The following MAPKAP1 variants were observed in gnomAD, a reference collection of about 807,000 sequenced individuals.
MAPKAP1 encodes MAPK associated protein 1, also known as target of rapamycin complex 2 subunit MAPKAP1.
MAPKAP1 carries 20 observed loss-of-function variants against 65.7 expected under a neutral mutation model. The ratio of observed to expected loss-of-function variants is 0.30; its 90% confidence interval spans 0.21 to 0.44. The LOEUF (loss-of-function observed/expected upper bound fraction) is 0.44. Ranked by LOEUF, MAPKAP1 falls within the 20% of genes least tolerant of loss-of-function variation. MAPKAP1 has a pLI of 1.00. For missense variants in MAPKAP1, 423 were observed against 648.0 expected (o/e 0.65, Z 3.77); for synonymous variants, 222 against 244.3 (o/e 0.91, Z 0.85).
At chr9:125,625,815 T>C (rs962235895) in intron 4 of MAPKAP1, among the ~76,000 whole-genome samples, 5 of 151,542 alleles carry the variant, frequency 3.3e-5, no homozygotes, top group Non-Finnish European at 5.9e-5. Flanking sequence ...AAACAAACAA[T>C]AAAAAAACAA....
intron 4 of MAPKAP1, chr9:125,596,302 A>G (rs1832123766): frequency 1.3e-6 from 1 of 760,632 alleles, no homozygotes; most frequent in Non-Finnish European, 2.4e-6. Context: ...TTCGGTAGGA[A>G]TGACAACTTT....
chr9:125,686,621 G>A (rs888356498), intron 1 of MAPKAP1, among the ~76,000 whole-genome samples: 4 of 152,114 alleles, frequency 2.6e-5, no homozygotes, highest in African/African-American at 7.2e-5. Flanking sequence ...GGGTGTTTTC[G>A]CTTCACATTG....
chr9:125,584,798 A>G (rs1047171861), intron 5 of MAPKAP1, among the ~76,000 whole-genome samples: 4 of 152,190 alleles, frequency 2.6e-5, no homozygotes, highest in African/African-American at 9.7e-5. Flanking sequence ...TGGAAAGAAC[A>G]TGTAAAACTA....
chr9:125,555,574 G>T (rs753163094), intron 6 of MAPKAP1, among the ~76,000 whole-genome samples: 2 of 152,232 alleles, frequency 1.3e-5, no homozygotes, highest in Non-Finnish European at 2.9e-5. Context: ...AAAAGGGGAA[G>T]AGGTCTTAGA....
At chr9:125,629,862 A>G (rs573359879) in intron 4 of MAPKAP1, among the ~76,000 whole-genome samples, 53 of 152,358 alleles carry the variant, frequency 3.5e-4, no homozygotes, top group Non-Finnish European at 6.6e-4. Flanking sequence ...AAGGCCATGT[A>G]TAACACAAAA....
intron 9 of MAPKAP1, among the ~76,000 whole-genome samples, chr9:125,480,743 C>T (rs1474938063): frequency 1.3e-5 from 2 of 151,646 alleles, no homozygotes; most frequent in African/African-American, 2.4e-5. Context: ...GAGGCCAAGG[C>T]GGGTGGATCA....
At chr9:125,619,762 A>C (rs1171305158) in intron 4 of MAPKAP1, among the ~76,000 whole-genome samples, 2 of 152,130 alleles carry the variant, frequency 1.3e-5, no homozygotes, top group African/African-American at 4.8e-5. Context: ...AAAATCCAGA[A>C]GCTATAGAGG....
intron 7 of MAPKAP1, among the ~76,000 whole-genome samples, chr9:125,516,480 C>G (rs1829465046): frequency 1.3e-5 from 2 of 152,182 alleles, no homozygotes; most frequent in South Asian, 4.1e-4. Flanking sequence ...AAGGGCTACT[C>G]TACTTATGAT....
At chr9:125,676,621 A>C (rs1404957842) in intron 1 of MAPKAP1, among the ~76,000 whole-genome samples, 1 of 152,234 alleles carries the variant, frequency 6.6e-6, no homozygotes, top group Non-Finnish European at 1.5e-5. Flanking sequence ...GGAAGGTAGT[A>C]ATGGGGAAAA....
At chr9:125,582,605 CCA>C (rs893409751) in intron 5 of MAPKAP1, among the ~76,000 whole-genome samples, 10 of 152,268 alleles carry the variant, frequency 6.6e-5, no homozygotes, top group African/African-American at 2.4e-4. Context: ...CCCAGCCATG[CCA>C]CAGTCAGGTC....
intron 5 of MAPKAP1, among the ~76,000 whole-genome samples, chr9:125,577,470 G>C (rs866395313): frequency 7.1e-6 from 1 of 141,550 alleles, no homozygotes; most frequent in Non-Finnish European, 1.5e-5. Flanking sequence ...CAGCCGCCCC[G>C]TCTGGGAGGT....
intron 5 of MAPKAP1, among the ~76,000 whole-genome samples, chr9:125,583,156 G>A (rs1004260077): frequency 6.6e-6 from 1 of 152,138 alleles, no homozygotes; most frequent in African/African-American, 2.4e-5. Context: ...TATGTATTTG[G>A]AGCAGAATAT....
At position 125,697,364 on chromosome 9, in the gene MAPKAP1, A is replaced by C. The variant is rs2131867221; in HGVS notation, c.-70+9607T>G. Among the ~76,000 whole-genome samples, 2 of 152,364 alleles carry C rather than the reference A, an allele frequency of 1.3e-5. 1 individual carries two copies. The highest frequency in any genetic ancestry group is 4.1e-4 in the South Asian group (2 of 4,832). ...TTTATTTTTAAATAATTTGTTTATC[A>C]AAGAACATTTCTAAAACTGAGAAAA... On this transcript the variant is annotated intron_variant, in intron 1 of 11. Coordinates refer to ENST00000265960, the MANE Select transcript of MAPKAP1 (RefSeq NM_001006617.3).
At chr9:125,613,249 C>G (rs1035874715) in intron 4 of MAPKAP1, among the ~76,000 whole-genome samples, 1 of 152,186 alleles carries the variant, frequency 6.6e-6, no homozygotes, top group Non-Finnish European at 1.5e-5. Context: ...TAAACCCAAG[C>G]AGCACCAAGG....
intron 4 of MAPKAP1, among the ~76,000 whole-genome samples, chr9:125,625,236 TA>T (rs148061530): frequency 7.3e-5 from 4 of 54,452 alleles, no homozygotes; most frequent in African/African-American, 1.5e-4. Context: ...GAATTATCAA[TA>T]AAAAAAAAAT....
In MAPKAP1 at chr9:125,672,380, T is replaced by C. The variant is rs910067116; in HGVS notation, c.195A>G (p.Val65=). Residue 65 remains valine, a synonymous_variant, in exon 2 of 12, where the codon GTA becomes GTG. Coordinates refer to ENST00000265960, the MANE Select transcript of MAPKAP1 (RefSeq NM_001006617.3). ...AGGTAATATCGACTGACTGGGCATA[T>C]ACATAGCCCTGAGTCTCACCATTGC... ...QGSNGETQGY[V]YAQSVDITSS... is the part of the protein sequence containing the mutation. 1.2e-6 allele frequency: 2 copies of C among 1,614,006 alleles called. No individual in the cohort carries two copies. The highest frequency in any genetic ancestry group is 1.6e-4 in the Middle Eastern group (1 of 6,062).
Position 125,506,311 on chromosome 9 carries a change from G to A in MAPKAP1, c.1065C>T (p.Asn355=). The part of the protein sequence containing the change: ...SAWEFCLVRE[N]SSRADGVFEE... Reference sequence around the variant, plus strand: ...CATGGAGCGAGGCGGCCAACGTACTGTTCTCGCGGACCAGGCAGAACTCCC... The same window carrying A: ...CATGGAGCGAGGCGGCCAACGTACTATTCTCGCGGACCAGGCAGAACTCCC... The change falls in exon 8 of 12, where the codon AAC becomes AAT. Residue 355 remains asparagine, a splice_region_variant and synonymous_variant. Coordinates refer to ENST00000265960, the MANE Select transcript of MAPKAP1 (RefSeq NM_001006617.3). 1 of 1,613,800 alleles carries A rather than the reference G, an allele frequency of 6.2e-7. No homozygotes were observed. The highest frequency in any genetic ancestry group is 8.5e-7 in the Non-Finnish European group (1 of 1,179,798).
chr9:125,678,089 T>A (rs1328440085), intron 1 of MAPKAP1, among the ~76,000 whole-genome samples: 2 of 151,964 alleles, frequency 1.3e-5, no homozygotes, highest in Non-Finnish European at 2.9e-5. Context: ...GGCTACTTTT[T>A]GTATTTTTTG....
At chr9:125,443,615 G>A (rs1589193606) in intron 11 of MAPKAP1, among the ~76,000 whole-genome samples, 1 of 151,988 alleles carries the variant, frequency 6.6e-6, no homozygotes, top group African/African-American at 2.4e-5. Flanking sequence ...ACCCCTGGAG[G>A]CTCCCATGCC....
Sources: allele counts gnomAD v4.1 joint callset (sites outside exome capture counted in the v4.1 genomes callset), GRCh38; gene constraint gnomAD v4.1.1; transcripts MANE v1.5; gene names NCBI Gene and HGNC (gene_info 2026-07-23, HGNC 2026-07-21).